Variants in HECW1 observed in about 807,000 individuals in gnomAD.
HECW1 encodes the protein E3 ubiquitin-protein ligase HECW1.
Under a neutral mutation model 182.3 loss-of-function variants are expected in HECW1, and 61 were observed. The ratio of observed to expected loss-of-function variants is 0.33; its 90% CI spans 0.27 to 0.41. The LOEUF is 0.41. Ranked by LOEUF, HECW1 falls within the 10% of genes least tolerant of loss-of-function variation. The probability of loss-of-function intolerance (pLI) is 1.00; values close to 1 mark genes in which losing one functional copy is unlikely to be tolerated. For synonymous variants in HECW1, 859 were observed against 832.6 expected, an observed-to-expected ratio of 1.03 and a Z score of -0.55; for missense variants, 1,739 against 2,108.9, an observed-to-expected ratio of 0.82 and a Z score of 3.44.
chr7:43,170,863 G>A (rs1031800254), intron 2 of HECW1, among the ~76,000 whole-genome samples: 1 of 152,174 alleles, frequency 6.6e-6, no homozygotes, highest in Non-Finnish European at 1.5e-5. Context: ...AAAGTAGGGC[G>A]GAGCAGCACA....
chr7:43,533,393 C>T (rs1167658418), intron 24 of HECW1, among the ~76,000 whole-genome samples: 1 of 152,130 alleles, frequency 6.6e-6, no homozygotes, highest in African/African-American at 2.4e-5. Flanking sequence ...CACAAACCAC[C>T]TGGCTGTCAA....
chr7:43,296,531 G>A (rs1002975526), intron 3 of HECW1, among the ~76,000 whole-genome samples: 25 of 152,100 alleles, frequency 1.6e-4, no homozygotes, highest in African/African-American at 4.8e-4. Flanking sequence ...ACGCAGCTGC[G>A]GAAGCCTCAA....
chr7:43,541,533 A>C (rs541071155), intron 25 of HECW1, among the ~76,000 whole-genome samples: 2 of 152,332 alleles, frequency 1.3e-5, no homozygotes, highest in Non-Finnish European at 2.9e-5. Context: ...AATTATAATA[A>C]TATTACAAAC....
chr7:43,345,529 A>G (rs888127952), intron 5 of HECW1, among the ~76,000 whole-genome samples: 4 of 152,034 alleles, frequency 2.6e-5, no homozygotes, highest in African/African-American at 7.2e-5. Context: ...TGATGTACCC[A>G]TCACCCATGT....
chr7:43,372,598 T>C (rs1228646456), intron 6 of HECW1, among the ~76,000 whole-genome samples: 1 of 152,154 alleles, frequency 6.6e-6, no homozygotes, highest in Non-Finnish European at 1.5e-5. Flanking sequence ...ACAGGAATTA[T>C]CAAAATAGTG....
chr7:43,454,889 C>G (rs1320450495), intron 12 of HECW1, among the ~76,000 whole-genome samples: 2 of 152,142 alleles, frequency 1.3e-5, no homozygotes, highest in Admixed American at 1.3e-4. Context: ...TTTTGCTTTT[C>G]CTTCTTCTTC....
At chr7:43,521,083 C>A (rs190324473) in intron 24 of HECW1, among the ~76,000 whole-genome samples, 1 of 152,206 alleles carries the variant, frequency 6.6e-6, no homozygotes, top group Non-Finnish European at 1.5e-5. Flanking sequence ...TGAGTCTCAG[C>A]CTCCTAGTTC....
intron 6 of HECW1, among the ~76,000 whole-genome samples, chr7:43,394,925 G>T (rs1562929017): frequency 6.6e-6 from 1 of 152,150 alleles, no homozygotes; most frequent in Admixed American, 6.5e-5. Context: ...GTTGGAGGGG[G>T]TGGAAGCTAG....
chr7:43,186,521 T>C (rs1793415528), intron 2 of HECW1, among the ~76,000 whole-genome samples: 1 of 151,972 alleles, frequency 6.6e-6, no homozygotes, highest in Non-Finnish European at 1.5e-5. Context: ...CAAAAAAATT[T>C]ACCCAGGCTT....
intron 3 of HECW1, among the ~76,000 whole-genome samples, chr7:43,275,399 C>G (rs1190547271): frequency 6.6e-6 from 1 of 152,088 alleles, no homozygotes; most frequent in Non-Finnish European, 1.5e-5. Flanking sequence ...AAGGAAATCT[C>G]TAATATAATA....
At chr7:43,474,276 C>T (rs939850623) in intron 16 of HECW1, among the ~76,000 whole-genome samples, 1 of 151,984 alleles carries the variant, frequency 6.6e-6, no homozygotes, top group Admixed American at 6.6e-5. Flanking sequence ...GGTGAAACCC[C>T]GTCTCTACTA....
intron 24 of HECW1, among the ~76,000 whole-genome samples, chr7:43,535,592 G>A (rs2081151407): frequency 6.6e-6 from 1 of 152,174 alleles, no homozygotes; most frequent in Admixed American, 6.5e-5. Flanking sequence ...TTCCATCAGA[G>A]GGGAAACGGC....
In HECW1 at chr7:43,444,987, G is replaced by C. The variant is rs1208362354; in HGVS notation, c.1815G>C (p.Thr605=). ...SEKDGLSEVD[T]VAADPSALEE... Reference sequence around the variant, plus strand: ...AGGATGGGCTCAGCGAGGTGGACACGGTGGCCGCTGACCCGTCTGCCCTGG... The same window carrying C: ...AGGATGGGCTCAGCGAGGTGGACACCGTGGCCGCTGACCCGTCTGCCCTGG... Residue 605 remains threonine, a synonymous_variant, in exon 11 of 30, where the codon ACG becomes ACC. Transcript: ENST00000395891. This position sits in a 1 kb window ranked among gnomAD's most constrained non-coding sequence, Gnocchi z 4.3. The C allele has an allele frequency of 2.6e-6, 4 of 1,556,776 alleles. No homozygotes were observed. The African/African-American group carries it at 4.1e-5, about 16-fold the overall frequency.
At chr7:43,246,537 G>A (rs1023537379) in intron 3 of HECW1, among the ~76,000 whole-genome samples, 2 of 152,152 alleles carry the variant, frequency 1.3e-5, no homozygotes, top group African/African-American at 4.8e-5. Flanking sequence ...GGTAATTCTG[G>A]TATGCACTCC....
chr7:43,417,484 A>G (rs1297989402), intron 8 of HECW1, among the ~76,000 whole-genome samples: 1 of 151,922 alleles, frequency 6.6e-6, no homozygotes, highest in African/African-American at 2.4e-5. Flanking sequence ...TCTTTATTTA[A>G]TGTCCTGCAG....
intron 8 of HECW1, among the ~76,000 whole-genome samples, chr7:43,433,025 T>C (rs1257937928): frequency 6.6e-6 from 1 of 152,228 alleles, no homozygotes; most frequent in East Asian, 1.9e-4. Flanking sequence ...AGCACATCAG[T>C]GGTTTTCAAC....
intron 6 of HECW1, among the ~76,000 whole-genome samples, chr7:43,378,169 T>C (rs2074400746): frequency 6.6e-6 from 1 of 152,236 alleles, no homozygotes; most frequent in Admixed American, 6.5e-5. Context: ...AACATTATAT[T>C]TTTGTAATCT....
chr7:43,494,508 T>G (rs2079044884), intron 19 of HECW1, among the ~76,000 whole-genome samples: 1 of 142,182 alleles, frequency 7.0e-6, no homozygotes, highest in South Asian at 2.1e-4. Context: ...AAGTCAAGAT[T>G]TTTTTTTTTT....
At chr7:43,462,042 C>T (rs950101066) in intron 13 of HECW1, among the ~76,000 whole-genome samples, 8 of 152,188 alleles carry the variant, frequency 5.3e-5, no homozygotes, top group Non-Finnish European at 1.0e-4. Context: ...AAAAGCTTTC[C>T]TCTGTAAGGT....
Sources: allele counts gnomAD v4.1 joint callset (sites outside exome capture counted in the v4.1 genomes callset), GRCh38; gene constraint gnomAD v4.1.1; non-coding constraint Gnocchi (gnomAD v3.1); transcripts MANE v1.5; gene names NCBI Gene and HGNC (gene_info 2026-07-23, HGNC 2026-07-21).